Variants in SFMBT2 observed in about 807,000 individuals in gnomAD.
SFMBT2 encodes scm-like with four MBT domains protein 2.
A neutral mutation model predicts 110.1 loss-of-function variants in SFMBT2; 38 were observed. That is an observed-to-expected ratio of 0.35 (90% CI 0.27 to 0.45). The LOEUF is 0.45. Among genes scored for constraint, SFMBT2 ranks in the 20% least tolerant of loss-of-function variants. The probability of loss-of-function intolerance (pLI) is 1.00; values close to 1 mark genes in which losing one functional copy is unlikely to be tolerated. For missense variants in SFMBT2, 1,011 were observed against 1,094.9 expected (o/e 0.92, Z 1.08); for synonymous variants, 425 against 425.4 (o/e 1.00, Z 0.01).
intron 7 of SFMBT2, among the ~76,000 whole-genome samples, chr10:7,257,908 A>T (rs1841079437): frequency 6.6e-6 from 1 of 152,210 alleles, no homozygotes; most frequent in Admixed American, 6.5e-5. Flanking sequence ...AAAACAAAAA[A>T]GGCAGTGAAA....
chr10:7,284,618 A>C, intron 5 of SFMBT2: 1 of 263,836 alleles, frequency 3.8e-6, no homozygotes, highest in Non-Finnish European at 6.0e-6. Flanking sequence ...ACTGGCCGCT[A>C]CTCTAATGAC....
intron 8 of SFMBT2, among the ~76,000 whole-genome samples, chr10:7,247,757 G>C (rs185393372): frequency 7.1e-4 from 108 of 152,336 alleles, no homozygotes; most frequent in African/African-American, 2.4e-3. Context: ...GGCCAAGAAT[G>C]TTAAGTTTCC....
chr10:7,392,449 A>C (rs1178475158), intron 1 of SFMBT2, among the ~76,000 whole-genome samples: 1 of 152,076 alleles, frequency 6.6e-6, no homozygotes, highest in East Asian at 1.9e-4. Context: ...CAGGAGGCAG[A>C]GGTTGCAGTG....
Position 7,289,023 on chromosome 10 carries a change from C to T in SFMBT2, c.437-3069G>A, listed in dbSNP as rs139268338. On this transcript the variant is annotated intron_variant, in intron 4 of 20. Coordinates refer to ENST00000397167, the MANE Select transcript of SFMBT2 (RefSeq NM_001387889.1). ...AAAAAAAAAAAACTAGAAACAGCCT[C>T]AAGCCCCCAGGTGTTCAGAGCCCAA... Among the ~76,000 whole-genome samples the T allele has an allele frequency of 4.9e-4, 74 of 151,798 alleles. No individual in the cohort carries two copies. In the East Asian group the frequency reaches 0.012, roughly 24 times the overall value.
At position 7,171,900 on chromosome 10, in the gene SFMBT2, T is replaced by C; in HGVS notation, c.2410A>G (p.Thr804Ala). Residue 804 changes from threonine to alanine, a missense_variant, in exon 19 of 21, where the codon ACA becomes GCA. Transcript: ENST00000397167. This position sits in a 1 kb window ranked among gnomAD's most constrained non-coding sequence, Gnocchi z 4.9. ...EKCPPTKPEG[T>A]EDTKQEEEER... ...TCCCCACGCCCGGGCATCACCTCTG[T>C]CCCCTCGGGCTTGGTCGGCGGGCAC... 1 of 1,431,924 alleles carries C rather than the reference T, an allele frequency of 7.0e-7. No homozygotes were observed. The highest frequency in any genetic ancestry group is 1.5e-5 in the South Asian group (1 of 67,256). 88.7% of individuals were successfully genotyped at this position (1,431,924 alleles called of 1,614,324 possible). A position where few individuals can be genotyped will look rare whatever the true frequency, so the allele number is the denominator to read the frequency against.
intron 1 of SFMBT2, among the ~76,000 whole-genome samples, chr10:7,384,211 C>CA (rs59239303): frequency 0.75 from 20,978 of 27,984 alleles, 9,348 homozygotes; most frequent in East Asian, 0.87. Context: ...AACTCCATCT[C>CA]AAAAAAAAAA....
At chr10:7,214,000 G>T (rs1307100911) in intron 11 of SFMBT2, among the ~76,000 whole-genome samples, 2 of 152,116 alleles carry the variant, frequency 1.3e-5, no homozygotes, top group Admixed American at 6.5e-5. Flanking sequence ...AGGAGCCAAC[G>T]GTGGGAAGTG....
intron 4 of SFMBT2, among the ~76,000 whole-genome samples, chr10:7,318,268 A>G (rs1385968062): frequency 6.6e-6 from 1 of 152,208 alleles, no homozygotes; most frequent in Non-Finnish European, 1.5e-5. Context: ...TCTCATTATC[A>G]TGCCCCTAAG....
chr10:7,203,216 G>C (rs1432924685), intron 12 of SFMBT2: 1 of 719,630 alleles, frequency 1.4e-6, no homozygotes, highest in East Asian at 1.3e-4. Flanking sequence ...GGCAGGTTTG[G>C]AGTTGGAGTT....
intron 4 of SFMBT2, among the ~76,000 whole-genome samples, chr10:7,334,929 C>T (rs1261568165): frequency 6.6e-6 from 1 of 152,166 alleles, no homozygotes. Context: ...CAGAAATTAA[C>T]ACCTGAAACA....
At chr10:7,185,284 A>C (rs2131565481) in intron 16 of SFMBT2, among the ~76,000 whole-genome samples, 1 of 152,334 alleles carries the variant, frequency 6.6e-6, no homozygotes, top group Non-Finnish European at 1.5e-5. Flanking sequence ...CGTTTTCAGG[A>C]CAGCAAACTA....
At chr10:7,329,405 C>T in intron 4 of SFMBT2, 1 of 979,842 alleles carries the variant, frequency 1.0e-6, no homozygotes, top group Non-Finnish European at 1.2e-6. Context: ...ATCAGCGCAG[C>T]ACAGCACGGG....
intron 15 of SFMBT2, among the ~76,000 whole-genome samples, chr10:7,192,660 C>T (rs537724380): frequency 2.6e-5 from 4 of 152,240 alleles, no homozygotes; most frequent in Admixed American, 6.5e-5. Context: ...GGGCAGAAAT[C>T]GAAACCGTAA....
At chr10:7,403,606 C>T (rs1846141089) in intron 1 of SFMBT2, among the ~76,000 whole-genome samples, 1 of 152,208 alleles carries the variant, frequency 6.6e-6, no homozygotes, top group East Asian at 1.9e-4. Flanking sequence ...CGCAGCACTG[C>T]ACTCCAGCCT....
intron 4 of SFMBT2, among the ~76,000 whole-genome samples, chr10:7,304,973 T>C (rs1371855473): frequency 6.6e-6 from 1 of 152,212 alleles, no homozygotes; most frequent in Non-Finnish European, 1.5e-5. Context: ...AACAGAGTTA[T>C]CTTCCTCCCT....
chr10:7,229,164 T>A (rs1430879852), intron 9 of SFMBT2, among the ~76,000 whole-genome samples: 1 of 152,206 alleles, frequency 6.6e-6, no homozygotes, highest in African/African-American at 2.4e-5. Context: ...TGTTTTTTTA[T>A]CCAAATCCCC....
intron 4 of SFMBT2, among the ~76,000 whole-genome samples, chr10:7,305,111 A>AC (rs1316244991): frequency 1.3e-5 from 2 of 152,326 alleles, no homozygotes; most frequent in South Asian, 4.1e-4. Flanking sequence ...ACTGTGAAAA[A>AC]AGGCATTGCA....
chr10:7,376,548 A>G (rs2132069433), intron 2 of SFMBT2, among the ~76,000 whole-genome samples: 1 of 150,744 alleles, frequency 6.6e-6, no homozygotes, highest in East Asian at 2.0e-4. Context: ...AAACACAAAA[A>G]ATTAGCCAGG....
intron 7 of SFMBT2, among the ~76,000 whole-genome samples, chr10:7,258,931 A>AT (rs1841116458): frequency 6.6e-6 from 1 of 152,324 alleles, no homozygotes; most frequent in African/African-American, 2.4e-5. Flanking sequence ...AAGCATTTCT[A>AT]TTTTTTACTT....
Sources: gnomAD v4.1 joint callset for allele counts (sites outside exome capture counted in the v4.1 genomes callset) on GRCh38, gnomAD v4.1.1 for gene constraint, Gnocchi (gnomAD v3.1) non-coding constraint, MANE v1.5 for transcripts, NCBI Gene and HGNC (gene_info 2026-07-23, HGNC 2026-07-21) for gene names.